PSME2: variants seen among roughly 807,000 people sequenced by gnomAD.
PSME2 encodes proteasome activator subunit 2, also known as proteasome activator complex subunit 2.
In PSME2, 20 loss-of-function variants were observed where a neutral mutation model predicts 38.8. The ratio of observed to expected loss-of-function variants is 0.52; its 90% CI spans 0.36 to 0.75. PSME2 has a LOEUF of 0.75. PSME2 is among the 30% of genes least tolerant of loss of function. The pLI is 0.00. For synonymous variants in PSME2, 82 were observed against 102.5 expected (o/e 0.80, Z 1.21); for missense variants, 227 against 287.6 (o/e 0.79, Z 1.52).
chr14:24,146,375 A>C, intron 1 of PSME2, 135 bp from the exon 2 acceptor site: 1 of 1,417,504 alleles, frequency 7.1e-7, no homozygotes, highest in Non-Finnish European at 9.9e-7. Flanking sequence ...GCTCCTGCTC[A>C]CTGCAGTCAG....
At chr14:24,145,797 G>A (rs1196713295) in intron 2 of PSME2, 25 bp from the exon 3 acceptor site, 1 of 1,600,080 alleles carries the variant, frequency 6.2e-7, no homozygotes, top group African/African-American at 1.3e-5. Context: ...GCAAGGGAGG[G>A]GAATCACAGA....
chr14:24,146,570 C>T lies in PSME2; in HGVS notation c.12G>A (p.Pro4=), dbSNP rs767606012. The change falls in exon 1 of 11, where the codon CCG becomes CCA. Residue 4 remains proline (P), a synonymous_variant. Coordinates refer to ENST00000216802, the MANE Select transcript of PSME2 (RefSeq NM_002818.3). MAK[P]CGVRLSGEAR... Reference sequence around the variant, plus strand: ...CTTCCCCGCTCAGGCGCACCCCACACGGCTTGGCCATGCTGCTTCAGTCGC... The same window carrying T: ...CTTCCCCGCTCAGGCGCACCCCACATGGCTTGGCCATGCTGCTTCAGTCGC... The T allele has an allele frequency of 1.9e-6, 3 of 1,613,756 alleles. No homozygotes were observed. The Admixed American group carries it at 5.0e-5, about 27-fold the overall frequency.
At chr14:24,144,630 A>C in intron 6 of PSME2, 162 bp from the exon 7 acceptor site, 1 of 710,408 alleles carries the variant, frequency 1.4e-6, no homozygotes, top group South Asian at 1.8e-5. Context: ...ACCTTCAGAG[A>C]TATGTATTTA....
chr14:24,146,424 T>C, intron 1 of PSME2, 110 bp downstream of exon 1: 1 of 1,487,598 alleles, frequency 6.7e-7, no homozygotes, highest in African/African-American at 1.4e-5. Context: ...GTGAAGGCAC[T>C]AGCGAGATTG....
Position 24,146,559 on chromosome 14 carries a change from C to G in PSME2, c.23G>C (p.Arg8Pro). The G allele has an allele frequency of 6.2e-7, 1 of 1,613,910 alleles. No individual in the cohort carries two copies. The highest frequency in any genetic ancestry group is 1.3e-5 in the African/African-American group (1 of 75,062). Residue 8 changes from arginine to proline, a missense_variant, in exon 1 of 11, where the codon CGC becomes CCC. Transcript: ENST00000216802. ...CTGTTTGCGGGCTTCCCCGCTCAGG[C>G]GCACCCCACACGGCTTGGCCATGCT... MAKPCGV[R>P]LSGEARKQVE...
chr14:24,146,031 A>C, intron 2 of PSME2, 177 bp downstream of exon 2: 1 of 864,126 alleles, frequency 1.2e-6, no homozygotes. Context: ...CGGGAGAGTC[A>C]TAAGAAAGGT....
At position 24,143,513 on chromosome 14, in the gene PSME2, A is replaced by G. The variant is rs1259002890; in HGVS notation, c.640-24T>C. ...GCCTGGGAGAAGGCCAGAGTGCAAG[A>G]GTCAGGTTCTTAGCCAATCCCCTGC... On this transcript the variant is annotated intron_variant, in intron 10 of 10. Coordinates refer to ENST00000216802, the MANE Select transcript of PSME2 (RefSeq NM_002818.3). The surrounding 1 kb of genome is among the most constrained non-coding windows in gnomAD (Gnocchi z 4.4). 2.5e-6 allele frequency: 4 copies of G among 1,613,434 alleles called. No individual in the cohort carries two copies. Among genetic ancestry groups the G allele is most frequent in the African/African-American group, 2.7e-5 (2 of 74,880 alleles).
chr14:24,145,291 G>A lies in PSME2; in HGVS notation c.232-18C>T, dbSNP rs761758825. On this transcript the variant is annotated intron_variant, in intron 4 of 10. Transcript: ENST00000216802. ...GTTTCCATCTAAGGCAAAAAGGGGG[G>A]AAAGTAGCTTTAGAAAAGTCACAGA... The A allele has an allele frequency of 8.7e-6, 14 of 1,613,998 alleles. No individual in the cohort carries two copies. Among genetic ancestry groups the A allele is most frequent in the South Asian group, 2.2e-5 (2 of 91,072 alleles).
At chr14:24,146,513 T>G in intron 1 of PSME2, 21 bp downstream of exon 1, 1 of 1,614,014 alleles carries the variant, frequency 6.2e-7, no homozygotes, top group Non-Finnish European at 8.5e-7. Context: ...GACCCCTTCC[T>G]GGCCTCCGAT....
intron 6 of PSME2, chr14:24,144,690 A>G: frequency 1.7e-6 from 1 of 599,514 alleles, no homozygotes; most frequent in Non-Finnish European, 2.9e-6. Flanking sequence ...TGTCTAAGTG[A>G]CTTACTTAAG....
Position 24,145,363 on chromosome 14 carries a change from A to T in PSME2, c.231+16T>A. ...ATTGGGTTTATAGTCCAAGTCCTGC[A>T]CCCTGAGTGCCTCACCTCATCATCC... On this transcript the variant is annotated intron_variant, in intron 4 of 10. Coordinates refer to ENST00000216802, the MANE Select transcript of PSME2 (RefSeq NM_002818.3). 2 of 1,606,102 alleles carry T rather than the reference A, an allele frequency of 1.2e-6. No homozygotes were observed. The highest frequency in any genetic ancestry group is 1.7e-6 in the Non-Finnish European group (2 of 1,175,436).
In PSME2 at chr14:24,143,779, A is replaced by G. The variant is rs1275741145; in HGVS notation, c.553-108T>C. ...ACTTGAGAATGAACCCCTTCTTAGC[A>G]CCAAGAAATAGGATCCCAAAGGACT... On this transcript the variant is annotated intron_variant, in intron 9 of 10. Transcript: ENST00000216802. This position sits in a 1 kb window ranked among gnomAD's most constrained non-coding sequence, Gnocchi z 4.4. The G allele has an allele frequency of 1.3e-5, 17 of 1,334,696 alleles. No homozygotes were observed. In the East Asian group the frequency reaches 3.9e-4, roughly 31 times the overall value. The allele number at this position is 1,334,696 out of a possible 1,614,324, so 82.7% of individuals were successfully genotyped here. A position where few individuals can be genotyped will look rare whatever the true frequency, so the allele number is the denominator to read the frequency against.
Position 24,146,572 on chromosome 14 carries a change from G to A in PSME2, c.10C>T (p.Pro4Ser), listed in dbSNP as rs547266527. 3 of 1,613,602 alleles carry A rather than the reference G, an allele frequency of 1.9e-6. No individual in the cohort carries two copies. The highest frequency in any genetic ancestry group is 2.2e-5 in the South Asian group (2 of 91,080). ...TCCCCGCTCAGGCGCACCCCACACG[G>A]CTTGGCCATGCTGCTTCAGTCGCTA... MAK[P>S]CGVRLSGEAR... The change falls in exon 1 of 11, where the codon CCG becomes TCG. Residue 4 changes from proline to serine, a missense_variant. Physicochemically the swap from Pro to Ser is moderately conservative, Grantham distance 74. Around this residue, in one of 3 missense-constraint regions of PSME2, gnomAD observed 80 missense variants for 77.3 expected, o/e 1.04. Transcript: ENST00000216802.
intron 5 of PSME2, 42 bp downstream of exon 5, chr14:24,145,201 T>G (rs932755318): frequency 1.2e-6 from 2 of 1,612,614 alleles, no homozygotes; most frequent in African/African-American, 2.7e-5. Flanking sequence ...CAGTAGTCAG[T>G]GTGCCATCAC....
At chr14:24,145,674 A>T in intron 3 of PSME2, 36 bp downstream of exon 3, 2 of 1,592,624 alleles carry the variant, frequency 1.3e-6, no homozygotes, top group Non-Finnish European at 1.7e-6. Context: ...GGGATAGAGG[A>T]CATAGGATGG....
chr14:24,146,191 C>A lies in PSME2; in HGVS notation c.81+17G>T. 6.2e-7 allele frequency: 1 copy of A among 1,612,946 alleles called. No homozygotes were observed. Among genetic ancestry groups the A allele is most frequent in the South Asian group, 1.1e-5 (1 of 91,018 alleles). On this transcript the variant is annotated intron_variant, in intron 2 of 10. Transcript: ENST00000216802. The stretch of plus-strand genomic sequence containing the variant: ...GTCCAAGATTCTGGGTCAAATCGCT[C>A]AAATCCAGAGACTTACCTCCTGGAA...
Position 24,145,173 on chromosome 14 carries a change from T to C in PSME2, c.263-18A>G, listed in dbSNP as rs775220855. 2 of 1,611,048 alleles carry C rather than the reference T, an allele frequency of 1.2e-6. No homozygotes were observed. Among genetic ancestry groups the C allele is most frequent in the Non-Finnish European group, 1.7e-6 (2 of 1,177,236 alleles). ...CTTATGGACTGTGAGAAAGAGGGGA[T>C]TCAGGCCCTTTCTCATCCAGTAGTC... On this transcript the variant is annotated intron_variant, in intron 5 of 10. Coordinates refer to ENST00000216802, the MANE Select transcript of PSME2 (RefSeq NM_002818.3).
At position 24,145,664 on chromosome 14, in the gene PSME2, G is replaced by T. The variant is rs761265179; in HGVS notation, c.144+46C>A. 22 of 1,575,184 alleles carry T rather than the reference G, an allele frequency of 1.4e-5. No individual in the cohort carries two copies. The South Asian group carries it at 2.4e-4, about 17-fold the overall frequency. On this transcript the variant is annotated intron_variant, in intron 3 of 10. Coordinates refer to ENST00000216802, the MANE Select transcript of PSME2 (RefSeq NM_002818.3). Reference sequence around the variant, plus strand: ...TGTTAGCTAGAGAGGGTGGGCAAAGGGGATAGAGGACATAGGATGGGGCAG... The same window carrying T: ...TGTTAGCTAGAGAGGGTGGGCAAAGTGGATAGAGGACATAGGATGGGGCAG...
At position 24,143,876 on chromosome 14, in the gene PSME2, C is replaced by T; in HGVS notation, c.552+99G>A. On this transcript the variant is annotated intron_variant, in intron 9 of 10. Transcript: ENST00000216802. This position sits in a 1 kb window ranked among gnomAD's most constrained non-coding sequence, Gnocchi z 4.4. ...TAGGTAATGCTTTTAGCTTAATATTCTCCACATTGGGAAAGTCACAAACAA... is the reference window on the plus strand; with the variant it reads ...TAGGTAATGCTTTTAGCTTAATATTTTCCACATTGGGAAAGTCACAAACAA... 1 of 1,464,976 alleles carries T rather than the reference C, an allele frequency of 6.8e-7. No homozygotes were observed. Among genetic ancestry groups the T allele is most frequent in the Non-Finnish European group, 9.5e-7 (1 of 1,052,360 alleles). The allele number at this position is 1,464,976 out of a possible 1,614,324, so 90.7% of individuals were successfully genotyped here. A position where few individuals can be genotyped will look rare whatever the true frequency, so the allele number is the denominator to read the frequency against.
Sources: allele counts gnomAD v4.1 joint callset, GRCh38; gene constraint gnomAD v4.1.1; regional missense constraint gnomAD v4.1.1; non-coding constraint Gnocchi (gnomAD v3.1); transcripts MANE v1.5; gene names NCBI Gene and HGNC (gene_info 2026-07-23, HGNC 2026-07-21).